Variants in DLGAP2 observed in about 807,000 individuals in gnomAD.
DLGAP2 encodes the protein disks large-associated protein 2.
Under a neutral mutation model 100.3 loss-of-function variants are expected in DLGAP2, and 26 were observed. The observed-to-expected ratio is 0.26, with a 90% CI of 0.19 to 0.36. The LOEUF is 0.36. Ranked by LOEUF, DLGAP2 falls within the 10% of genes least tolerant of loss-of-function variation. The pLI is 1.00. For missense variants in DLGAP2, 1,858 were observed against 1,453.2 expected, an observed-to-expected ratio of 1.28 and a Z score of -4.53; for synonymous variants, 886 against 630.1, an observed-to-expected ratio of 1.41 and a Z score of -6.08.
intron 2 of DLGAP2, among the ~76,000 whole-genome samples, chr8:1,026,158 C>T (rs974742943): frequency 6.6e-6 from 1 of 152,184 alleles, no homozygotes; most frequent in Non-Finnish European, 1.5e-5. Flanking sequence ...GTGCCCATGG[C>T]TGTGAAAATG....
At chr8:807,757 C>G (rs902706360) in intron 1 of DLGAP2, among the ~76,000 whole-genome samples, 2 of 152,224 alleles carry the variant, frequency 1.3e-5, no homozygotes, top group African/African-American at 4.8e-5. Context: ...AAGGCAATTT[C>G]TTAGCTACTT....
intron 3 of DLGAP2, among the ~76,000 whole-genome samples, chr8:1,463,901 C>G (rs961784029): frequency 2.0e-5 from 3 of 152,212 alleles, no homozygotes; most frequent in African/African-American, 7.2e-5. Flanking sequence ...TTCCAGGGAG[C>G]TGCACGCGCT....
chr8:1,053,426 A>C (rs997104423), intron 2 of DLGAP2, among the ~76,000 whole-genome samples: 5 of 152,198 alleles, frequency 3.3e-5, no homozygotes, highest in African/African-American at 1.2e-4. Context: ...TGATCTCCAC[A>C]GAGAAGGAAC....
chr8:1,462,253 T>A lies in DLGAP2; in HGVS notation c.107-39113T>A, dbSNP rs1798482020. On this transcript the variant is annotated intron_variant, in intron 3 of 14. Transcript: ENST00000637795. ...CGTTCAGGTTGGGAGAAGGTGCTGC[T>A]GTCACAGGACTGGGTGCAGTCGCTG... Among the ~76,000 whole-genome samples the A allele has an allele frequency of 2.5e-5, 2 of 79,744 alleles. 1 individual carries two copies. The allele number at this position is 79,744 out of a possible 152,430, so 52.3% of individuals were successfully genotyped here.
chr8:1,023,926 T>A (rs1801703183), intron 2 of DLGAP2, among the ~76,000 whole-genome samples: 1 of 143,242 alleles, frequency 7.0e-6, no homozygotes, highest in Admixed American at 7.2e-5. Flanking sequence ...CTCTGCAAAA[T>A]CCCGGCTGCT....
chr8:1,294,184 G>A (rs1181767598), intron 3 of DLGAP2, among the ~76,000 whole-genome samples: 1 of 152,276 alleles, frequency 6.6e-6, no homozygotes, highest in East Asian at 1.9e-4. Flanking sequence ...GTCCCACAGG[G>A]CCCACACATC....
intron 2 of DLGAP2, among the ~76,000 whole-genome samples, chr8:979,020 T>C (rs1800252645): frequency 6.6e-6 from 1 of 152,162 alleles, no homozygotes; most frequent in Non-Finnish European, 1.5e-5. Flanking sequence ...CCCCAGCTTG[T>C]TCCCACACTT....
intron 1 of DLGAP2, among the ~76,000 whole-genome samples, chr8:861,112 G>T (rs1208182006): frequency 2.6e-5 from 4 of 152,122 alleles, no homozygotes; most frequent in Admixed American, 2.6e-4. Context: ...AGCCGGGACC[G>T]GGTGGTGCAG....
chr8:1,082,568 G>A (rs1803847444), intron 2 of DLGAP2, among the ~76,000 whole-genome samples: 1 of 152,186 alleles, frequency 6.6e-6, no homozygotes, highest in Admixed American at 6.5e-5. Context: ...ACCCACATTT[G>A]GTGTGAGCAG....
chr8:1,074,981 A>T (rs558291261), intron 2 of DLGAP2, among the ~76,000 whole-genome samples: 16 of 149,614 alleles, frequency 1.1e-4, no homozygotes, highest in Non-Finnish European at 1.5e-4. Context: ...GGGAGTGGTG[A>T]CCATGTCTCA....
chr8:1,550,746 T>C (rs1801738347), intron 5 of DLGAP2, among the ~76,000 whole-genome samples: 1 of 152,226 alleles, frequency 6.6e-6, no homozygotes, highest in Non-Finnish European at 1.5e-5. Context: ...TCTCTGTCTC[T>C]GAATTGTGCC....
intron 6 of DLGAP2, among the ~76,000 whole-genome samples, chr8:1,604,261 C>T (rs1004739770): frequency 5.3e-5 from 8 of 152,166 alleles, no homozygotes; most frequent in East Asian, 3.9e-4. Flanking sequence ...AATGTAAATA[C>T]GAATTTTATC....
chr8:1,314,534 C>T (rs140362162), intron 3 of DLGAP2, among the ~76,000 whole-genome samples: 8 of 152,184 alleles, frequency 5.3e-5, no homozygotes, highest in South Asian at 2.1e-4. Flanking sequence ...GAGACATGGC[C>T]GAGTTACCCT....
chr8:1,298,272 T>A (rs1433830309), intron 3 of DLGAP2, among the ~76,000 whole-genome samples: 2 of 152,140 alleles, frequency 1.3e-5, no homozygotes, highest in African/African-American at 4.8e-5. Context: ...AAAAGTCATA[T>A]AATTGAAGTT....
intron 2 of DLGAP2, chr8:1,248,687 G>A (rs13254757): frequency 0.75 from 89,533 of 118,666 alleles, 34,842 homozygotes; most frequent in Middle Eastern, 0.88. Context: ...AGTTCAGGGC[G>A]CCTGGGAAGA....
rs369843475 is a variant in DLGAP2 at position 1,126,836 on chromosome 8, TGTG to T, written c.74-132011_74-132009del. Among the ~76,000 whole-genome samples, 335 of 151,984 alleles carry T rather than the reference TGTG, an allele frequency of 2.2e-3. 1 individual carries two copies. Among genetic ancestry groups the T allele is most frequent in the African/African-American group, 7.5e-3 (310 of 41,462 alleles). On this transcript the variant is annotated intron_variant, in intron 2 of 14. Transcript: ENST00000637795. Reference sequence around the variant, plus strand: ...CGGGCTCTGGAAGGCACCACCCCATTGTGGTGCAGATGAGGGGCCTCACTGGAT... The same window carrying T: ...CGGGCTCTGGAAGGCACCACCCCATTGTGCAGATGAGGGGCCTCACTGGAT...
chr8:1,296,503 G>A (rs754590711), intron 3 of DLGAP2, among the ~76,000 whole-genome samples: 1 of 151,408 alleles, frequency 6.6e-6, no homozygotes, highest in Non-Finnish European at 1.5e-5. Flanking sequence ...CAGAGCCTTG[G>A]TGCTCGTGCT....
intron 1 of DLGAP2, among the ~76,000 whole-genome samples, chr8:841,483 A>G (rs1250781915): frequency 1.3e-5 from 2 of 152,200 alleles, no homozygotes; most frequent in African/African-American, 4.8e-5. Context: ...TGAAACTGGC[A>G]TTTCAAGAAC....
intron 4 of DLGAP2, 139 bp downstream of exon 4, chr8:1,501,570 T>G: frequency 1.2e-6 from 1 of 849,562 alleles, no homozygotes; most frequent in Non-Finnish European, 1.8e-6. Context: ...CTAAGTACAA[T>G]GCGGCACTTT....
Sources: allele counts gnomAD v4.1 joint callset (sites outside exome capture counted in the v4.1 genomes callset), GRCh38; gene constraint gnomAD v4.1.1; transcripts MANE v1.5; gene names NCBI Gene and HGNC (gene_info 2026-07-23, HGNC 2026-07-21).